Variants in SERGEF observed in about 807,000 individuals in gnomAD.
SERGEF encodes secretion-regulating guanine nucleotide exchange factor.
Under a neutral mutation model 50.0 loss-of-function variants are expected in SERGEF, and 51 were observed. The ratio of observed to expected loss-of-function variants is 1.02; its 90% CI spans 0.81 to 1.29. The LOEUF is 1.29. SERGEF is among the 50% of genes most tolerant of loss of function. The pLI is 0.00. For synonymous variants in SERGEF, 205 were observed against 212.4 expected, an observed-to-expected ratio of 0.97 and a Z score of 0.30; for missense variants, 521 against 557.0, an observed-to-expected ratio of 0.94 and a Z score of 0.65.
chr11:18,004,616 A>G (rs1405534911), intron 3 of SERGEF, 81 bp from the exon 4 acceptor site: 22 of 939,302 alleles, frequency 2.3e-5, no homozygotes, highest in Non-Finnish European at 3.7e-5. Context: ...AGGGTGAGAG[A>G]TGCAAAGGGG....
intron 8 of SERGEF, among the ~76,000 whole-genome samples, chr11:17,970,804 C>A (rs1853232580): frequency 6.6e-6 from 1 of 152,026 alleles, no homozygotes; most frequent in East Asian, 1.9e-4. Context: ...CAGAGCAAGG[C>A]CTTAACTCTC....
In SERGEF at chr11:17,788,395, C is replaced by T; in HGVS notation, c.1067G>A (p.Trp356Ter). The change falls in exon 11 of 11, where the codon TGG becomes TAG. Residue 356 changes from tryptophan to a stop codon, truncating the protein, a stop_gained. Transcript: ENST00000265965. LOFTEE classifies it low-confidence loss of function (END_TRUNC). ...LAIIGGVCYS[W>*]GWNEHGMCGD... ...GCACATGCCATGCTCATTCCAGCCC[C>T]AAGAGTAACACACTCCACCTGTGAA... is the stretch of plus-strand genomic sequence containing the variant. The T allele has an allele frequency of 6.2e-7, 1 of 1,609,324 alleles. No individual in the cohort carries two copies. The highest frequency in any genetic ancestry group is 1.3e-5 in the African/African-American group (1 of 74,970).
chr11:17,978,399 C>T (rs1047734082), intron 8 of SERGEF, among the ~76,000 whole-genome samples: 9 of 152,240 alleles, frequency 5.9e-5, no homozygotes, highest in Non-Finnish European at 1.2e-4. Context: ...ACCCCTAATT[C>T]TATCCATTGC....
chr11:17,792,129 C>T (rs556823223), intron 10 of SERGEF, among the ~76,000 whole-genome samples: 125 of 152,348 alleles, frequency 8.2e-4, no homozygotes, highest in Admixed American at 2.4e-3. Flanking sequence ...GGCTGGGCCC[C>T]GGGATTACCC....
chr11:17,916,724 C>T (rs986154938), intron 9 of SERGEF, among the ~76,000 whole-genome samples: 2 of 152,164 alleles, frequency 1.3e-5, no homozygotes, highest in Non-Finnish European at 2.9e-5. Flanking sequence ...ATAAGACATT[C>T]CAAGCCTGGT....
chr11:17,899,020 G>A (rs540418571), intron 9 of SERGEF, among the ~76,000 whole-genome samples: 4 of 152,216 alleles, frequency 2.6e-5, no homozygotes, highest in African/African-American at 9.6e-5. Context: ...TCTCTCTCCT[G>A]CTCCTGCTCC....
chr11:17,962,752 G>C (rs550571102), intron 8 of SERGEF, among the ~76,000 whole-genome samples: 2 of 152,286 alleles, frequency 1.3e-5, no homozygotes, highest in Admixed American at 1.3e-4. Context: ...ACACCTAAGG[G>C]GTCTGGAACT....
At chr11:17,958,487 G>A (rs1852921267) in intron 9 of SERGEF, among the ~76,000 whole-genome samples, 1 of 152,008 alleles carries the variant, frequency 6.6e-6, no homozygotes, top group African/African-American at 2.4e-5. Flanking sequence ...TAAGATTCCT[G>A]CCTTAAATGT....
Position 17,804,817 on chromosome 11 carries a change from T to C in SERGEF, c.1049-16404A>G, listed in dbSNP as rs149507167. On this transcript the variant is annotated intron_variant, in intron 10 of 10. Transcript: ENST00000265965. Reference sequence around the variant, plus strand: ...TAAGTCCTCAGAGGCCTCAATGGACTGTTACTCTCCTACTGTCTGTAACTA... The same window carrying C: ...TAAGTCCTCAGAGGCCTCAATGGACCGTTACTCTCCTACTGTCTGTAACTA... 1.8e-3 allele frequency among the ~76,000 whole-genome samples: 271 copies of C among 152,350 alleles called. 1 individual carries two copies. The highest frequency in any genetic ancestry group is 6.2e-3 in the African/African-American group (257 of 41,584).
At chr11:17,975,804 T>C (rs1390903952) in intron 8 of SERGEF, among the ~76,000 whole-genome samples, 2 of 152,174 alleles carry the variant, frequency 1.3e-5, no homozygotes, top group African/African-American at 4.8e-5. Flanking sequence ...CCCTTCTCAT[T>C]GTACCCAAAA....
intron 6 of SERGEF, among the ~76,000 whole-genome samples, chr11:17,993,456 C>T (rs1853763774): frequency 2.0e-5 from 3 of 152,144 alleles, no homozygotes; most frequent in Admixed American, 2.0e-4. Flanking sequence ...ATCTCATACA[C>T]TCAGCTGTTA....
chr11:17,788,670 C>T lies in SERGEF; in HGVS notation c.1049-257G>A, dbSNP rs61882399. On this transcript the variant is annotated intron_variant, in intron 10 of 10. Transcript: ENST00000265965. ...ATGTTCCAAGCGTGGCTTTCCTCCT[C>T]GGCCCTTCCCTACTGTCACCACCAC... Among the ~76,000 whole-genome samples the T allele has an allele frequency of 9.6e-3, 1,461 of 152,246 alleles. 7 individuals are homozygous for T. Among genetic ancestry groups the T allele is most frequent in the Non-Finnish European group, 0.014 (982 of 68,022 alleles).
At chr11:17,805,446 G>C (rs1455736928) in intron 10 of SERGEF, among the ~76,000 whole-genome samples, 2 of 152,210 alleles carry the variant, frequency 1.3e-5, no homozygotes, top group Non-Finnish European at 2.9e-5. Flanking sequence ...GTGGCTCATG[G>C]ATACAGTGCT....
intron 10 of SERGEF, among the ~76,000 whole-genome samples, chr11:17,859,469 C>G (rs1322705182): frequency 6.6e-6 from 1 of 152,128 alleles, no homozygotes; most frequent in Non-Finnish European, 1.5e-5. Flanking sequence ...ATTCAATATA[C>G]ATTCAATAGA....
intron 10 of SERGEF, among the ~76,000 whole-genome samples, chr11:17,790,316 C>T (rs939157583): frequency 6.6e-6 from 1 of 151,788 alleles, no homozygotes; most frequent in Admixed American, 6.6e-5. Flanking sequence ...TAAAGACTTA[C>T]ACAAATAGAA....
At chr11:17,894,637 T>C (rs374239693) in intron 9 of SERGEF, among the ~76,000 whole-genome samples, 242 of 152,336 alleles carry the variant, frequency 1.6e-3, no homozygotes, top group African/African-American at 5.3e-3. Flanking sequence ...ATAGTAGGTC[T>C]TAATGAGATG....
At chr11:17,871,064 A>G (rs1191732103) in intron 10 of SERGEF, among the ~76,000 whole-genome samples, 1 of 152,242 alleles carries the variant, frequency 6.6e-6, no homozygotes, top group African/African-American at 2.4e-5. Context: ...AGGCAAAATA[A>G]TAAAGCTTCA....
chr11:17,896,596 G>A (rs1368779037), intron 9 of SERGEF, among the ~76,000 whole-genome samples: 1 of 19,180 alleles, frequency 5.2e-5, no homozygotes, highest in Admixed American at 4.4e-4. Flanking sequence ...GGGAAGGGAA[G>A]GGAAGGGGAA....
chr11:17,944,978 C>T (rs938287510), intron 9 of SERGEF, among the ~76,000 whole-genome samples: 6 of 152,182 alleles, frequency 3.9e-5, no homozygotes, highest in African/African-American at 1.4e-4. Flanking sequence ...CTATGCTTGC[C>T]ATATCAGTGA....
Sources: gnomAD v4.1 joint callset for allele counts (sites outside exome capture counted in the v4.1 genomes callset) on GRCh38, gnomAD v4.1.1 for gene constraint, MANE v1.5 for transcripts, NCBI Gene and HGNC (gene_info 2026-07-23, HGNC 2026-07-21) for gene names.